Variants in SLC4A10 observed in about 807,000 individuals in gnomAD.
SLC4A10 encodes solute carrier family 4 member 10, also known as sodium-driven chloride bicarbonate exchanger.
In SLC4A10, 42 loss-of-function variants were observed where a neutral mutation model predicts 137.7. The ratio of observed to expected loss-of-function variants is 0.30; its 90% CI spans 0.24 to 0.39. The LOEUF (loss-of-function observed/expected upper bound fraction) is 0.39, where lower values mean the gene tolerates loss of function less well. SLC4A10 is among the 10% of genes least tolerant of loss of function. The pLI is 1.00. For synonymous variants in SLC4A10, 474 were observed against 464.1 expected, an observed-to-expected ratio of 1.02 and a Z score of -0.27; for missense variants, 925 against 1,355.0, an observed-to-expected ratio of 0.68 and a Z score of 4.98.
chr2:161,910,249 T>A (rs1258520211), intron 15 of SLC4A10, among the ~76,000 whole-genome samples: 1 of 152,082 alleles, frequency 6.6e-6, no homozygotes, highest in African/African-American at 2.4e-5. Flanking sequence ...AGCTACTCTG[T>A]CATCCTAACC....
At chr2:161,699,101 GCTACGCGTC>G (rs1385682379) in intron 1 of SLC4A10, among the ~76,000 whole-genome samples, 1 of 152,134 alleles carries the variant, frequency 6.6e-6, no homozygotes, top group African/African-American at 2.4e-5. Flanking sequence ...CTCACTGCAA[GCTACGCGTC>G]CTGGGTTCAT....
intron 10 of SLC4A10, among the ~76,000 whole-genome samples, chr2:161,889,703 T>C (rs1559470120): frequency 6.6e-6 from 1 of 152,166 alleles, no homozygotes; most frequent in African/African-American, 2.4e-5. Flanking sequence ...CTAGCATCTA[T>C]CTATTTTGTT....
At chr2:161,832,974 T>C (rs2058532563) in intron 3 of SLC4A10, among the ~76,000 whole-genome samples, 1 of 152,174 alleles carries the variant, frequency 6.6e-6, no homozygotes, top group Non-Finnish European at 1.5e-5. Context: ...TCTGCTGACC[T>C]CGTGATCCGC....
chr2:161,783,019 C>A (rs1232388294), intron 2 of SLC4A10, among the ~76,000 whole-genome samples: 2 of 151,746 alleles, frequency 1.3e-5, no homozygotes, highest in Admixed American at 6.6e-5. Flanking sequence ...TTAGAGATAT[C>A]AACACTAAGA....
chr2:161,915,027 A>G (rs1686798510), intron 15 of SLC4A10, among the ~76,000 whole-genome samples: 2 of 151,964 alleles, frequency 1.3e-5, no homozygotes, highest in Non-Finnish European at 1.5e-5. Context: ...TTTTTTACCA[A>G]TCAAATGTTG....
At chr2:161,676,055 C>A (rs1317942307) in intron 1 of SLC4A10, among the ~76,000 whole-genome samples, 3 of 152,126 alleles carry the variant, frequency 2.0e-5, no homozygotes, top group Non-Finnish European at 4.4e-5. Flanking sequence ...GACAAAAGAT[C>A]ATGGGTGGAT....
chr2:161,966,050 A>T (rs1226561434), intron 23 of SLC4A10, among the ~76,000 whole-genome samples: 1 of 152,194 alleles, frequency 6.6e-6, no homozygotes, highest in African/African-American at 2.4e-5. Flanking sequence ...TCAACTTTCT[A>T]TTTCCTCAAA....
intron 2 of SLC4A10, among the ~76,000 whole-genome samples, chr2:161,790,550 A>T (rs2125530383): frequency 6.6e-6 from 1 of 152,318 alleles, no homozygotes; most frequent in Non-Finnish European, 1.5e-5. Flanking sequence ...TTACACAGGC[A>T]TTTGAAATTG....
chr2:161,772,042 T>C (rs960764213), intron 2 of SLC4A10, among the ~76,000 whole-genome samples: 4 of 151,894 alleles, frequency 2.6e-5, no homozygotes, highest in Non-Finnish European at 5.9e-5. Flanking sequence ...GGAGAATTAC[T>C]ATAATATTTA....
At chr2:161,929,453 G>A (rs1282415771) in intron 15 of SLC4A10, among the ~76,000 whole-genome samples, 5 of 152,248 alleles carry the variant, frequency 3.3e-5, no homozygotes, top group African/African-American at 4.8e-5. Flanking sequence ...GCTTAAACAC[G>A]TGTTGTAATT....
intron 2 of SLC4A10, among the ~76,000 whole-genome samples, chr2:161,785,348 G>C (rs1241779957): frequency 6.6e-6 from 1 of 151,674 alleles, no homozygotes; most frequent in Non-Finnish European, 1.5e-5. Flanking sequence ...TTGAAGAAGA[G>C]GAAATACCTC....
chr2:161,644,749 A>G (rs1456384508), intron 1 of SLC4A10, among the ~76,000 whole-genome samples: 1 of 152,178 alleles, frequency 6.6e-6, no homozygotes, highest in African/African-American at 2.4e-5. Context: ...TGATCTTACC[A>G]ATTGTTCTAG....
In SLC4A10 at chr2:161,927,263, T is replaced by G. The variant is rs1398454760; in HGVS notation, c.1998-15529T>G. On this transcript the variant is annotated intron_variant, in intron 15 of 26. Coordinates refer to ENST00000446997, the MANE Select transcript of SLC4A10 (RefSeq NM_001178015.2). ...CTTGGAGGCTTTGTTTGTTTCTTTT[T>G]ATTCTTTTTTCTCTAAACTTTCCTT... 4.6e-5 allele frequency among the ~76,000 whole-genome samples: 7 copies of G among 152,204 alleles called. No individual in the cohort carries two copies. In the South Asian group the frequency reaches 1.4e-3, roughly 32 times the overall value.
At chr2:161,860,062 T>C (rs544875438) in intron 5 of SLC4A10, among the ~76,000 whole-genome samples, 1 of 152,240 alleles carries the variant, frequency 6.6e-6, no homozygotes, top group Non-Finnish European at 1.5e-5. Flanking sequence ...AAAAGAACAA[T>C]GTAAGTGATT....
At chr2:161,809,588 G>A (rs1305835474) in intron 3 of SLC4A10, among the ~76,000 whole-genome samples, 2 of 151,930 alleles carry the variant, frequency 1.3e-5, no homozygotes, top group African/African-American at 4.8e-5. Context: ...TCATTATTTT[G>A]CATATGGCTT....
At chr2:161,904,627 C>A in intron 13 of SLC4A10, 149 bp from the exon 14 acceptor site, 1 of 848,146 alleles carries the variant, frequency 1.2e-6, no homozygotes, top group Non-Finnish European at 1.8e-6. Flanking sequence ...CCCCTTTAGT[C>A]ATCCTTCTAC....
At chr2:161,979,718 T>C (rs1699945905) in intron 26 of SLC4A10, among the ~76,000 whole-genome samples, 1 of 152,128 alleles carries the variant, frequency 6.6e-6, no homozygotes. Context: ...TAGTACGTGG[T>C]AGAGTATCCA....
At chr2:161,713,812 C>A (rs976778326) in intron 1 of SLC4A10, among the ~76,000 whole-genome samples, 1 of 151,744 alleles carries the variant, frequency 6.6e-6, no homozygotes, top group Admixed American at 6.6e-5. Flanking sequence ...CTTTTAATAT[C>A]GCCTTCTTCT....
chr2:161,841,844 C>T (rs2059204250), intron 4 of SLC4A10, among the ~76,000 whole-genome samples: 1 of 151,242 alleles, frequency 6.6e-6, no homozygotes, highest in African/African-American at 2.5e-5. Flanking sequence ...CAAAAGTAAT[C>T]ACTGTTAATC....
Sources: allele counts gnomAD v4.1 joint callset (sites outside exome capture counted in the v4.1 genomes callset), GRCh38; gene constraint gnomAD v4.1.1; transcripts MANE v1.5; gene names NCBI Gene and HGNC (gene_info 2026-07-23, HGNC 2026-07-21).